Variants in TTC33 observed in about 807,000 individuals in gnomAD.
TTC33 encodes tetratricopeptide repeat protein 33.
A neutral mutation model predicts 29.4 loss-of-function variants in TTC33; 24 were observed. That is an observed-to-expected ratio of 0.82 (90% CI 0.59 to 1.15). The LOEUF (loss-of-function observed/expected upper bound fraction) is 1.15. Ranked by LOEUF, TTC33 falls within the 50% of genes most tolerant of loss-of-function variation. TTC33 has a pLI of 0.00. For missense variants in TTC33, 286 were observed against 310.4 expected (o/e 0.92, Z 0.59); for synonymous variants, 107 against 100.3 (o/e 1.07, Z -0.40).
rs540871520 is a variant in TTC33, at chr5:40,711,710, G to C, written c.*4435C>G. Among the ~76,000 whole-genome samples the C allele has an allele frequency of 6.6e-6, 1 of 152,002 alleles. No individual in the cohort carries two copies. The highest frequency in any genetic ancestry group is 2.1e-4 in the South Asian group (1 of 4,806). ...TAGAATACTATTCAGCAATAAAAAGGAACTTATTATTGATACACATGATAA... is the reference window on the plus strand; with the variant it reads ...TAGAATACTATTCAGCAATAAAAAGCAACTTATTATTGATACACATGATAA... On this transcript the variant is annotated 3_prime_UTR_variant, in exon 5 of 5. Coordinates refer to ENST00000337702, the MANE Select transcript of TTC33 (RefSeq NM_012382.3).
At chr5:40,721,656 A>C (rs1176888191) in intron 4 of TTC33, among the ~76,000 whole-genome samples, 2 of 152,088 alleles carry the variant, frequency 1.3e-5, no homozygotes, top group Non-Finnish European at 2.9e-5. Context: ...ACATTGTAGG[A>C]GTCTTATGAC....
rs1300417592 is a variant in TTC33 at position 40,746,889 on chromosome 5, T to C, written c.130A>G (p.Ile44Val). ...DNDEGNWLHA[I>V]KRRKEILLEG... ...AGAAGAATTTCTTTCCTACGTTTAA[T>C]GGCATGAAGCCAGTTCCCTTCATCG... The change falls in exon 2 of 5, where the codon ATT becomes GTT. Residue 44 changes from isoleucine (I) to valine (V), a missense_variant. Ile to Val is a conservative substitution (Grantham distance 29). Coordinates refer to ENST00000337702, the MANE Select transcript of TTC33 (RefSeq NM_012382.3). The C allele has an allele frequency of 3.7e-6, 6 of 1,614,196 alleles. No homozygotes were observed. The highest frequency in any genetic ancestry group is 5.1e-6 in the Non-Finnish European group (6 of 1,180,028).
chr5:40,722,749 C>T lies in TTC33; in HGVS notation c.435+5596G>A, dbSNP rs1175970080. ...GGGAGGTGGCGGGGCAGCCCCTGCC[C>T]GGCCAGACGCCCCGTCCCGGAGGTG... On this transcript the variant is annotated intron_variant, in intron 4 of 4. Transcript: ENST00000337702. 1.2e-4 allele frequency among the ~76,000 whole-genome samples: 18 copies of T among 151,426 alleles called. No individual in the cohort carries two copies. The East Asian group carries it at 1.4e-3, about 12-fold the overall frequency.
Position 40,715,506 on chromosome 5 carries a change from G to T in TTC33, c.*639C>A, listed in dbSNP as rs1332825177. 6.6e-6 allele frequency: 1 copy of T among 152,226 alleles called. No individual in the cohort carries two copies. Among genetic ancestry groups the T allele is most frequent in the African/African-American group, 2.4e-5 (1 of 41,422 alleles). The allele number at this position is 152,226 out of a possible 1,614,324, so 9.4% of individuals were successfully genotyped here. A position where few individuals can be genotyped will look rare whatever the true frequency, so the allele number is the denominator to read the frequency against. On this transcript the variant is annotated 3_prime_UTR_variant, in exon 5 of 5. Coordinates refer to ENST00000337702, the MANE Select transcript of TTC33 (RefSeq NM_012382.3). ...TTTACACTTTTACCAAATACTGAAG[G>T]AGACAACTATCATTGTTACAACTTC... is the stretch of plus-strand genomic sequence containing the variant.
chr5:40,735,059 G>C (rs1742520087), intron 2 of TTC33, among the ~76,000 whole-genome samples: 3 of 152,164 alleles, frequency 2.0e-5, no homozygotes, highest in Non-Finnish European at 4.4e-5. Context: ...ACCTGGGGCA[G>C]GACCAAACCA....
chr5:40,713,539 C>T lies in TTC33; in HGVS notation c.*2606G>A, dbSNP rs1741938614. Among the ~76,000 whole-genome samples, 1 of 152,070 alleles carries T rather than the reference C, an allele frequency of 6.6e-6. No individual in the cohort carries two copies. Among genetic ancestry groups the T allele is most frequent in the South Asian group, 2.1e-4 (1 of 4,826 alleles). On this transcript the variant is annotated 3_prime_UTR_variant, in exon 5 of 5. Transcript: ENST00000337702. The stretch of plus-strand genomic sequence containing the variant: ...CTCCTGTGAGCTATAACTTGCATGG[C>T]TTTTCAATGTTTATGTAGTGTCTGT...
rs1741930202 is a variant in TTC33 at position 40,713,176 on chromosome 5, A to T, written c.*2969T>A. 6.6e-6 allele frequency among the ~76,000 whole-genome samples: 1 copy of T among 152,116 alleles called. No individual in the cohort carries two copies. Among genetic ancestry groups the T allele is most frequent in the East Asian group, 1.9e-4 (1 of 5,188 alleles). On this transcript the variant is annotated 3_prime_UTR_variant, in exon 5 of 5. Coordinates refer to ENST00000337702, the MANE Select transcript of TTC33 (RefSeq NM_012382.3). ...AACTATGGTTCTTATGTCAACTCAC[A>T]ACTCATTTAGATATTAATACATGTA... is the stretch of plus-strand genomic sequence containing the variant.
At chr5:40,722,254 T>G (rs908588468) in intron 4 of TTC33, among the ~76,000 whole-genome samples, 1 of 151,214 alleles carries the variant, frequency 6.6e-6, no homozygotes, top group African/African-American at 2.4e-5. Flanking sequence ...CTCGGCTCGC[T>G]GCAACCTCCA....
chr5:40,722,310 C>G (rs1055589169), intron 4 of TTC33, among the ~76,000 whole-genome samples: 3 of 152,336 alleles, frequency 2.0e-5, no homozygotes, highest in East Asian at 1.9e-4. Flanking sequence ...GAGATTGCAT[C>G]CTCTGCCCGG....
At chr5:40,721,820 G>A (rs1197868833) in intron 4 of TTC33, among the ~76,000 whole-genome samples, 1 of 152,124 alleles carries the variant, frequency 6.6e-6, no homozygotes, top group Non-Finnish European at 1.5e-5. Context: ...AAATTAAAAG[G>A]CTTCTGCACA....
chr5:40,749,275 G>T (rs1489325314), intron 1 of TTC33, among the ~76,000 whole-genome samples: 2 of 152,174 alleles, frequency 1.3e-5, no homozygotes, highest in Non-Finnish European at 2.9e-5. Flanking sequence ...TTTACTAGTT[G>T]TATAGATGGT....
chr5:40,734,578 T>C (rs1160017862), intron 2 of TTC33, among the ~76,000 whole-genome samples: 1 of 152,230 alleles, frequency 6.6e-6, no homozygotes, highest in East Asian at 1.9e-4. Context: ...ATAAGTTAGA[T>C]AGCACACTCA....
chr5:40,723,297 G>A (rs1260224100), intron 4 of TTC33, among the ~76,000 whole-genome samples: 2 of 151,970 alleles, frequency 1.3e-5, no homozygotes, highest in African/African-American at 4.8e-5. Flanking sequence ...CAAACACTGT[G>A]GAAGGCCGCA....
In TTC33 at chr5:40,714,855, T is replaced by C. The variant is rs529127643; in HGVS notation, c.*1290A>G. ...TTTAACATAAAGTGGGCTACTTTCA[T>C]CTCTAACAAAGATAAAATTAATACA... On this transcript the variant is annotated 3_prime_UTR_variant, in exon 5 of 5. Transcript: ENST00000337702. 5 of 152,340 alleles carry C rather than the reference T, an allele frequency of 3.3e-5. No individual in the cohort carries two copies. Among genetic ancestry groups the C allele is most frequent in the Non-Finnish European group, 7.4e-5 (5 of 67,948 alleles). The allele number at this position is 152,340 out of a possible 1,614,324, so 9.4% of individuals were successfully genotyped here. A position where few individuals can be genotyped will look rare whatever the true frequency, so the allele number is the denominator to read the frequency against.
intron 2 of TTC33, among the ~76,000 whole-genome samples, chr5:40,730,884 C>T (rs1435643603): frequency 6.6e-6 from 1 of 152,106 alleles, no homozygotes; most frequent in East Asian, 1.9e-4. Context: ...TATAATTTAA[C>T]ACCCATTTCT....
intron 4 of TTC33, among the ~76,000 whole-genome samples, chr5:40,722,777 G>T (rs1012149785): frequency 6.6e-6 from 1 of 151,128 alleles, no homozygotes; most frequent in Non-Finnish European, 1.5e-5. Flanking sequence ...CGGAGGTGGC[G>T]GGGCAGCCCC....
At chr5:40,747,514 C>A (rs1451875929) in intron 1 of TTC33, among the ~76,000 whole-genome samples, 1 of 152,116 alleles carries the variant, frequency 6.6e-6, no homozygotes, top group Non-Finnish European at 1.5e-5. Flanking sequence ...CATCACACAC[C>A]TCCTGATGGA....
intron 1 of TTC33, among the ~76,000 whole-genome samples, chr5:40,747,777 T>C (rs375986210): frequency 8.5e-5 from 13 of 152,060 alleles, no homozygotes; most frequent in African/African-American, 3.1e-4. Context: ...CTAACCAACA[T>C]AACATGTGGA....
In TTC33 at chr5:40,716,057, CCTAT is replaced by C. The variant is rs1435273736; in HGVS notation, c.*84_*87del. ...AACATATTTTACAACCAGGCGTTCT[CCTAT>C]CTATCTCCAGAGTAAATGTCTCTAT... On this transcript the variant is annotated 3_prime_UTR_variant, in exon 5 of 5. Coordinates refer to ENST00000337702, the MANE Select transcript of TTC33 (RefSeq NM_012382.3). 15 of 1,123,132 alleles carry C rather than the reference CCTAT, an allele frequency of 1.3e-5. No homozygotes were observed. The highest frequency in any genetic ancestry group is 6.0e-5 in the Admixed American group (2 of 33,178). 69.6% of individuals were successfully genotyped at this position (1,123,132 alleles called of 1,614,324 possible).
Sources: allele counts gnomAD v4.1 joint callset (sites outside exome capture counted in the v4.1 genomes callset), GRCh38; gene constraint gnomAD v4.1.1; transcripts MANE v1.5; gene names NCBI Gene and HGNC (gene_info 2026-07-23, HGNC 2026-07-21).